Variants in SYT9 observed in about 807,000 individuals in gnomAD.
The protein encoded by SYT9 is synaptotagmin-9.
A neutral mutation model predicts 48.4 loss-of-function variants in SYT9; 22 were observed. The ratio of observed to expected loss-of-function variants is 0.45; its 90% CI spans 0.32 to 0.65. The LOEUF is 0.65. SYT9 is among the 30% of genes least tolerant of loss of function. SYT9 has a pLI of 0.03. For missense variants in SYT9, 577 were observed against 622.0 expected (o/e 0.93, Z 0.77); for synonymous variants, 265 against 245.0 (o/e 1.08, Z -0.76).
At chr11:7,320,057 C>T (rs552723809) in intron 3 of SYT9, among the ~76,000 whole-genome samples, 1 of 152,172 alleles carries the variant, frequency 6.6e-6, no homozygotes, top group African/African-American at 2.4e-5. Context: ...TTTGCTTATA[C>T]TAACTGAGTA....
At chr11:7,443,256 A>G (rs1393824636) in intron 6 of SYT9, among the ~76,000 whole-genome samples, 2 of 152,250 alleles carry the variant, frequency 1.3e-5, no homozygotes, top group Admixed American at 1.3e-4. Flanking sequence ...CTGAGGTATA[A>G]TGGGGAAATG....
At chr11:7,349,109 G>A (rs1390131685) in intron 3 of SYT9, among the ~76,000 whole-genome samples, 1 of 151,988 alleles carries the variant, frequency 6.6e-6, no homozygotes, top group African/African-American at 2.4e-5. Flanking sequence ...TGGAATAGGA[G>A]ATTTCAAGTG....
chr11:7,303,319 G>T lies in SYT9; in HGVS notation c.426G>T (p.Thr142=). The T allele has an allele frequency of 6.2e-7, 1 of 1,613,796 alleles. No homozygotes were observed. Among genetic ancestry groups the T allele is most frequent in the Non-Finnish European group, 8.5e-7 (1 of 1,180,014 alleles). ...CTGACATTCCCCTCTCCACCCAGAC[G>T]GGGATCCAGGAGAACTGTGCCCATG... ...TSPDIPLSTQ[T]GIQENCAHGV... is the part of the protein sequence containing the mutation. Residue 142 remains threonine (T), a synonymous_variant, in exon 2 of 7, where the codon ACG becomes ACT. Transcript: ENST00000318881.
chr11:7,264,730 G>C (rs1465975396), intron 1 of SYT9, among the ~76,000 whole-genome samples: 1 of 151,932 alleles, frequency 6.6e-6, no homozygotes, highest in Admixed American at 6.6e-5. Context: ...GGGAGAGGGG[G>C]ACAAATGATT....
intron 1 of SYT9, among the ~76,000 whole-genome samples, chr11:7,257,986 T>A (rs2119792982): frequency 6.6e-6 from 1 of 152,216 alleles, no homozygotes; most frequent in Non-Finnish European, 1.5e-5. Flanking sequence ...AGCACAAACT[T>A]TTTGATGTGG....
intron 3 of SYT9, among the ~76,000 whole-genome samples, chr11:7,331,199 A>T (rs1312720896): frequency 6.6e-6 from 1 of 151,764 alleles, no homozygotes; most frequent in Non-Finnish European, 1.5e-5. Context: ...AAACATTAAA[A>T]AATGTGCAAA....
chr11:7,242,827 C>G (rs1339047298), intron 1 of SYT9, among the ~76,000 whole-genome samples: 5 of 152,090 alleles, frequency 3.3e-5, no homozygotes. Context: ...GTGAGAATCA[C>G]CTGAGGTCAG....
chr11:7,454,928 G>C (rs1848120405), intron 6 of SYT9, among the ~76,000 whole-genome samples: 2 of 152,222 alleles, frequency 1.3e-5, no homozygotes, highest in Non-Finnish European at 2.9e-5. Context: ...GCATGGCTGA[G>C]AGATACATGC....
At position 7,252,436 on chromosome 11, in the gene SYT9, G is replaced by T; in HGVS notation, c.145+105G>T. Reference sequence around the variant, plus strand: ...ACAGCGACGCGGACTGGGAGAGGGCGGGGGGCGGCCACCGAGCCAGGAGAG... The same window carrying T: ...ACAGCGACGCGGACTGGGAGAGGGCTGGGGGCGGCCACCGAGCCAGGAGAG... On this transcript the variant is annotated intron_variant, in intron 1 of 6. Coordinates refer to ENST00000318881, the MANE Select transcript of SYT9 (RefSeq NM_175733.4). The surrounding 1 kb of genome is among the most constrained non-coding windows in gnomAD (Gnocchi z 6.3). 1.6e-6 allele frequency: 2 copies of T among 1,245,690 alleles called. No homozygotes were observed. The highest frequency in any genetic ancestry group is 2.1e-6 in the Non-Finnish European group (2 of 969,768). 77.2% of individuals were successfully genotyped at this position (1,245,690 alleles called of 1,614,324 possible).
chr11:7,355,510 G>T (rs1041019374), intron 3 of SYT9, among the ~76,000 whole-genome samples: 6 of 152,148 alleles, frequency 3.9e-5, no homozygotes, highest in Non-Finnish European at 7.4e-5. Flanking sequence ...ATCCTTTCCT[G>T]CCTTCCTCAG....
At chr11:7,457,917 A>G (rs1029661844) in intron 6 of SYT9, 2 of 152,238 alleles carry the variant, frequency 1.3e-5, no homozygotes, top group Non-Finnish European at 2.9e-5. Flanking sequence ...CAATCTTTCA[A>G]GGTGCTTCAC....
At chr11:7,415,189 T>TG (rs1847217923) in intron 3 of SYT9, among the ~76,000 whole-genome samples, 1 of 152,128 alleles carries the variant, frequency 6.6e-6, no homozygotes, top group South Asian at 2.1e-4. Context: ...CAGGGCCACC[T>TG]GGGGGTCTGG....
At chr11:7,353,596 C>T (rs1849960535) in intron 3 of SYT9, among the ~76,000 whole-genome samples, 1 of 152,222 alleles carries the variant, frequency 6.6e-6, no homozygotes, top group African/African-American at 2.4e-5. Flanking sequence ...CAGGGAGGAT[C>T]TCTTCCTTGA....
intron 6 of SYT9, among the ~76,000 whole-genome samples, chr11:7,463,718 G>A (rs1434513742): frequency 6.6e-6 from 1 of 152,166 alleles, no homozygotes; most frequent in Non-Finnish European, 1.5e-5. Context: ...TAGGACCTTA[G>A]TGGCGCTGTC....
At chr11:7,354,459 G>A (rs1383182488) in intron 3 of SYT9, among the ~76,000 whole-genome samples, 1 of 152,076 alleles carries the variant, frequency 6.6e-6, no homozygotes, top group South Asian at 2.1e-4. Context: ...ACCTACCCTC[G>A]CTTGCCTCAC....
At chr11:7,428,349 A>G (rs955132239) in intron 6 of SYT9, among the ~76,000 whole-genome samples, 3 of 152,190 alleles carry the variant, frequency 2.0e-5, no homozygotes, top group African/African-American at 7.2e-5. Flanking sequence ...GTGGATGACA[A>G]TGGGCTTGAG....
chr11:7,244,781 G>A (rs538647604), intron 1 of SYT9, among the ~76,000 whole-genome samples: 38 of 152,270 alleles, frequency 2.5e-4, no homozygotes, highest in African/African-American at 8.7e-4. Flanking sequence ...CCCAAAGTAC[G>A]GAATCTAGCT....
At chr11:7,413,541 C>T (rs1436207487) in intron 3 of SYT9, among the ~76,000 whole-genome samples, 3 of 152,172 alleles carry the variant, frequency 2.0e-5, no homozygotes, top group Non-Finnish European at 4.4e-5. Context: ...CTCTCACTTA[C>T]CCTTTCCCTG....
intron 6 of SYT9, chr11:7,441,620 C>T (rs1379603883): frequency 1.3e-5 from 2 of 152,144 alleles, no homozygotes; most frequent in Non-Finnish European, 2.9e-5. Context: ...TCCTTCCTTC[C>T]TTTCTGTTCA....
Sources: allele counts gnomAD v4.1 joint callset (sites outside exome capture counted in the v4.1 genomes callset), GRCh38; gene constraint gnomAD v4.1.1; non-coding constraint Gnocchi (gnomAD v3.1); transcripts MANE v1.5; gene names NCBI Gene and HGNC (gene_info 2026-07-23, HGNC 2026-07-21).